GRHL1: variants seen among roughly 807,000 people sequenced by gnomAD.
The protein encoded by GRHL1 is grainyhead-like protein 1 homolog.
GRHL1 carries 38 observed loss-of-function variants against 75.7 expected under a neutral mutation model. That is an observed-to-expected ratio of 0.50 (90% CI 0.39 to 0.66). The LOEUF is 0.66. Among genes scored for constraint, GRHL1 ranks in the 30% least tolerant of loss-of-function variants. The pLI, the probability that GRHL1 is intolerant of heterozygous loss-of-function variation, is 0.00. For missense variants in GRHL1, 589 were observed against 767.5 expected, an observed-to-expected ratio of 0.77 and a Z score of 2.75; for synonymous variants, 266 against 279.4, an observed-to-expected ratio of 0.95 and a Z score of 0.48.
Position 9,968,581 on chromosome 2 carries a change from G to C in GRHL1, c.1110+3200G>C, listed in dbSNP as rs1481082114. Among the ~76,000 whole-genome samples, 1 of 152,172 alleles carries C rather than the reference G, an allele frequency of 6.6e-6. No individual in the cohort carries two copies. The highest frequency in any genetic ancestry group is 2.4e-5 in the African/African-American group (1 of 41,438). Reference sequence around the variant, plus strand: ...CTGCTTGAGGTAATTTTTGCAGAGAGAAGAAGCAATTGCCTTTGAAGCATT... The same window carrying C: ...CTGCTTGAGGTAATTTTTGCAGAGACAAGAAGCAATTGCCTTTGAAGCATT... On this transcript the variant is annotated intron_variant, in intron 8 of 15. Coordinates refer to ENST00000324907, the MANE Select transcript of GRHL1 (RefSeq NM_198182.3). The surrounding 1 kb of genome is among the most constrained non-coding windows in gnomAD (Gnocchi z 4.7).
chr2:9,963,640 A>T (rs1667364845), intron 5 of GRHL1, among the ~76,000 whole-genome samples: 2 of 152,216 alleles, frequency 1.3e-5, no homozygotes. Context: ...TCCACCTATC[A>T]GTATCTTTAA....
chr2:9,961,523 ACT>A, intron 4 of GRHL1, 87 bp downstream of exon 4: 2 of 1,289,326 alleles, frequency 1.6e-6, no homozygotes, highest in Non-Finnish European at 2.1e-6. Flanking sequence ...TAAGCATGAA[ACT>A]CAGCCTGAAA....
intron 4 of GRHL1, among the ~76,000 whole-genome samples, chr2:9,961,778 A>G (rs1667287689): frequency 6.6e-6 from 1 of 152,184 alleles, no homozygotes; most frequent in South Asian, 2.1e-4. Context: ...CCCAGTGCCA[A>G]ACAAGCTCCC....
At position 9,990,453 on chromosome 2, in the gene GRHL1, A is replaced by T. The variant is rs921880472; in HGVS notation, c.1270-243A>T. ...GGCATGAGCTACCGCTTCCGGCCGGAATTTTGCTTTATTTGTTTTTCAAAT... is the reference window on the plus strand; with the variant it reads ...GGCATGAGCTACCGCTTCCGGCCGGTATTTTGCTTTATTTGTTTTTCAAAT... On this transcript the variant is annotated intron_variant, in intron 9 of 15. Coordinates refer to ENST00000324907, the MANE Select transcript of GRHL1 (RefSeq NM_198182.3). The surrounding 1 kb of genome is among the most constrained non-coding windows in gnomAD (Gnocchi z 4.2). Among the ~76,000 whole-genome samples the T allele has an allele frequency of 9.2e-5, 14 of 152,100 alleles. No homozygotes were observed. The highest frequency in any genetic ancestry group is 1.3e-4 in the Admixed American group (2 of 15,266).
intron 5 of GRHL1, among the ~76,000 whole-genome samples, chr2:9,962,811 A>G (rs1667330477): frequency 6.6e-6 from 1 of 152,082 alleles, no homozygotes; most frequent in African/African-American, 2.4e-5. Context: ...AGGAGAGATG[A>G]GGGGATTAAA....
In GRHL1 at chr2:9,951,926, G is replaced by T. The variant is rs1183114167; in HGVS notation, c.20+73G>T. 1.9e-6 allele frequency: 2 copies of T among 1,057,872 alleles called. No individual in the cohort carries two copies. The highest frequency in any genetic ancestry group is 2.4e-6 in the Non-Finnish European group (2 of 848,290). The allele number at this position is 1,057,872 out of a possible 1,614,324, so 65.5% of individuals were successfully genotyped here. Reference sequence around the variant, plus strand: ...GGGCCGCACCTGCAGCGAGCGAGCCGGGCGCAGACCCGAGGCCGCGCGGGC... The same window carrying T: ...GGGCCGCACCTGCAGCGAGCGAGCCTGGCGCAGACCCGAGGCCGCGCGGGC... On this transcript the variant is annotated intron_variant, in intron 1 of 15. Coordinates refer to ENST00000324907, the MANE Select transcript of GRHL1 (RefSeq NM_198182.3). The surrounding 1 kb of genome is among the most constrained non-coding windows in gnomAD (Gnocchi z 4.2).
At chr2:9,995,991 T>C in intron 13 of GRHL1, 21 bp downstream of exon 13, 3 of 1,397,224 alleles carry the variant, frequency 2.1e-6, no homozygotes, top group Non-Finnish European at 3.1e-6. Flanking sequence ...TTCCATTTCT[T>C]AGTGGGAGTT....
intron 8 of GRHL1, 96 bp from the exon 9 acceptor site, chr2:9,986,028 A>T (rs546401474): frequency 1.2e-6 from 1 of 801,846 alleles, no homozygotes; most frequent in African/African-American, 1.8e-5. Flanking sequence ...CATTTAAAAT[A>T]GACTTGAGTA....
At position 9,953,150 on chromosome 2, in the gene GRHL1, A is replaced by C. The variant is rs115642641; in HGVS notation, c.20+1297A>C. ...CCTTAGGCAGGCTTTGGAAATATGA[A>C]ACACCTTCAGGGTGATTCCAAACAT... is the stretch of plus-strand genomic sequence containing the variant. On this transcript the variant is annotated intron_variant, in intron 1 of 15. Coordinates refer to ENST00000324907, the MANE Select transcript of GRHL1 (RefSeq NM_198182.3). 4,188 of 454,306 alleles carry C rather than the reference A, an allele frequency of 9.2e-3. 132 individuals are homozygous for C. Among genetic ancestry groups the C allele is most frequent in the African/African-American group, 0.076 (3,804 of 50,070 alleles). 28.1% of individuals were successfully genotyped at this position (454,306 alleles called of 1,614,324 possible).
chr2:10,000,960 A>G lies in GRHL1; in HGVS notation c.*253A>G, dbSNP rs139478659. 1.8e-4 allele frequency: 53 copies of G among 302,088 alleles called. No individual in the cohort carries two copies. The highest frequency in any genetic ancestry group is 1.1e-3 in the African/African-American group (49 of 46,610). 18.7% of individuals were successfully genotyped at this position (302,088 alleles called of 1,614,324 possible). A position where few individuals can be genotyped will look rare whatever the true frequency, so the allele number is the denominator to read the frequency against. On this transcript the variant is annotated 3_prime_UTR_variant, in exon 16 of 16. Coordinates refer to ENST00000324907, the MANE Select transcript of GRHL1 (RefSeq NM_198182.3). ...GAATTTCCTGATATATACAGGATTTAAAGTGAAAACTTTATTCCAAGAGTT... is the reference window on the plus strand; with the variant it reads ...GAATTTCCTGATATATACAGGATTTGAAGTGAAAACTTTATTCCAAGAGTT...
At chr2:9,989,579 C>G (rs1668556660) in intron 9 of GRHL1, among the ~76,000 whole-genome samples, 1 of 152,090 alleles carries the variant, frequency 6.6e-6, no homozygotes, top group Non-Finnish European at 1.5e-5. Context: ...GAGGGAGTCT[C>G]ACTCTGTCAC....
rs371080668 is a variant in GRHL1 at position 9,987,020 on chromosome 2, C to T, written c.1269+738C>T. ...TTGAGACAGAGTCTGGTGCTGTCGC[C>T]CATGCTGGAGTGCAGTGGCGCAGTC... On this transcript the variant is annotated intron_variant, in intron 9 of 15. Transcript: ENST00000324907. The surrounding 1 kb of genome is among the most constrained non-coding windows in gnomAD (Gnocchi z 4.2). Among the ~76,000 whole-genome samples, 17 of 151,892 alleles carry T rather than the reference C, an allele frequency of 1.1e-4. No individual in the cohort carries two copies. Among genetic ancestry groups the T allele is most frequent in the East Asian group, 5.8e-4 (3 of 5,158 alleles).
intron 2 of GRHL1, 63 bp downstream of exon 2, chr2:9,955,164 A>G (rs1666959733): frequency 9.4e-7 from 1 of 1,064,828 alleles, no homozygotes; most frequent in Non-Finnish European, 1.4e-6. Context: ...TCAGCAGCAT[A>G]GAAACAGACA....
At chr2:9,994,119 A>G (rs567022061) in intron 12 of GRHL1, among the ~76,000 whole-genome samples, 1 of 151,982 alleles carries the variant, frequency 6.6e-6, no homozygotes, top group Admixed American at 6.6e-5. Context: ...GGACTTTTTC[A>G]ACAAGGCAAA....
At chr2:9,998,423 C>CGT (rs1553306759) in intron 14 of GRHL1, among the ~76,000 whole-genome samples, 470 of 33,828 alleles carry the variant, frequency 0.014, 55 homozygotes, top group African/African-American at 0.072. Flanking sequence ...AGTGACTATG[C>CGT]ATGTGTGTGT....
chr2:9,999,406 C>T (rs1669170207), intron 15 of GRHL1, among the ~76,000 whole-genome samples: 1 of 152,262 alleles, frequency 6.6e-6, no homozygotes. Flanking sequence ...GCCAGCGCCA[C>T]TGAGGATGGC....
At position 9,968,584 on chromosome 2, in the gene GRHL1, G is replaced by A. The variant is rs1448841992; in HGVS notation, c.1110+3203G>A. 1.3e-5 allele frequency among the ~76,000 whole-genome samples: 2 copies of A among 152,164 alleles called. No homozygotes were observed. The highest frequency in any genetic ancestry group is 4.8e-5 in the African/African-American group (2 of 41,446). On this transcript the variant is annotated intron_variant, in intron 8 of 15. Coordinates refer to ENST00000324907, the MANE Select transcript of GRHL1 (RefSeq NM_198182.3). The surrounding 1 kb of genome is among the most constrained non-coding windows in gnomAD (Gnocchi z 4.7). ...CTTGAGGTAATTTTTGCAGAGAGAA[G>A]AAGCAATTGCCTTTGAAGCATTAAA...
At chr2:9,991,090 TA>T in intron 10 of GRHL1, among the ~76,000 whole-genome samples, 1 of 152,250 alleles carries the variant, frequency 6.6e-6, no homozygotes, top group East Asian at 1.9e-4. Context: ...CTAGATTTTT[TA>T]AAGTAATAAT....
Position 9,968,313 on chromosome 2 carries a change from G to A in GRHL1, c.1110+2932G>A, listed in dbSNP as rs1018645240. On this transcript the variant is annotated intron_variant, in intron 8 of 15. Coordinates refer to ENST00000324907, the MANE Select transcript of GRHL1 (RefSeq NM_198182.3). The surrounding 1 kb of genome is among the most constrained non-coding windows in gnomAD (Gnocchi z 4.7). ...TTTTGGAACTTGTGAAAATTTGTTCGTTTTCAAAGTGGTGGAAGAGAAGGA... is the reference window on the plus strand; with the variant it reads ...TTTTGGAACTTGTGAAAATTTGTTCATTTTCAAAGTGGTGGAAGAGAAGGA... 6.6e-6 allele frequency among the ~76,000 whole-genome samples: 1 copy of A among 152,220 alleles called. No homozygotes were observed. The highest frequency in any genetic ancestry group is 1.5e-5 in the Non-Finnish European group (1 of 68,024).
Sources: gnomAD v4.1 joint callset for allele counts (sites outside exome capture counted in the v4.1 genomes callset) on GRCh38, gnomAD v4.1.1 for gene constraint, Gnocchi (gnomAD v3.1) non-coding constraint, MANE v1.5 for transcripts, NCBI Gene and HGNC (gene_info 2026-07-23, HGNC 2026-07-21) for gene names.